ADGRL3: variants seen among roughly 807,000 people sequenced by gnomAD.
The protein encoded by ADGRL3 is adhesion G protein-coupled receptor L3.
In ADGRL3, 62 loss-of-function variants were observed where a neutral mutation model predicts 153.5. The ratio of observed to expected loss-of-function variants is 0.40; its 90% CI spans 0.33 to 0.50. The LOEUF (loss-of-function observed/expected upper bound fraction) is 0.50. Among genes scored for constraint, ADGRL3 ranks in the 20% least tolerant of loss-of-function variants. The pLI, the probability that ADGRL3 is intolerant of heterozygous loss-of-function variation, is 0.47. For missense variants in ADGRL3, 1,641 were observed against 1,859.4 expected, an observed-to-expected ratio of 0.88 and a Z score of 2.16; for synonymous variants, 710 against 672.5, an observed-to-expected ratio of 1.06 and a Z score of -0.86.
chr4:61,746,949 A>G (rs1209784283), intron 8 of ADGRL3, among the ~76,000 whole-genome samples: 1 of 152,218 alleles, frequency 6.6e-6, no homozygotes, highest in African/African-American at 2.4e-5. Context: ...AACAAAATTG[A>G]TAGACTGCCA....
At chr4:61,535,134 T>C (rs528085220) in intron 4 of ADGRL3, among the ~76,000 whole-genome samples, 1 of 152,130 alleles carries the variant, frequency 6.6e-6, no homozygotes, top group South Asian at 2.1e-4. Context: ...TGTTGAGGGT[T>C]TTTTAAAACC....
At chr4:61,699,220 C>G (rs946623398) in intron 6 of ADGRL3, among the ~76,000 whole-genome samples, 1 of 152,010 alleles carries the variant, frequency 6.6e-6, no homozygotes, top group Non-Finnish European at 1.5e-5. Flanking sequence ...TGAGAGTGCA[C>G]TCTGATATGA....
chr4:62,026,769 G>A (rs988296031), intron 21 of ADGRL3, among the ~76,000 whole-genome samples: 1 of 151,628 alleles, frequency 6.6e-6, no homozygotes, highest in Non-Finnish European at 1.5e-5. Flanking sequence ...ATTGTGTATG[G>A]GATTCACTCT....
At chr4:62,069,072 G>C (rs1294453938) in intron 26 of ADGRL3, among the ~76,000 whole-genome samples, 1 of 151,872 alleles carries the variant, frequency 6.6e-6, no homozygotes, top group Non-Finnish European at 1.5e-5. Flanking sequence ...TCATTTTGTG[G>C]TTGCATTTGA....
intron 1 of ADGRL3, among the ~76,000 whole-genome samples, chr4:61,254,418 G>A (rs1004436018): frequency 3.9e-5 from 6 of 152,164 alleles, no homozygotes; most frequent in Middle Eastern, 3.4e-3. Flanking sequence ...CCTTCTTAGT[G>A]CTATTTGAAA....
At chr4:61,397,188 CT>C (rs956274643) in intron 2 of ADGRL3, among the ~76,000 whole-genome samples, 3 of 151,444 alleles carry the variant, frequency 2.0e-5, no homozygotes, top group African/African-American at 4.9e-5. Context: ...AAACCACAAA[CT>C]TTTTTTCTTG....
chr4:61,381,595 T>C (rs2096669640), intron 1 of ADGRL3, among the ~76,000 whole-genome samples: 1 of 151,888 alleles, frequency 6.6e-6, no homozygotes, highest in Non-Finnish European at 1.5e-5. Context: ...TTAGTCATGC[T>C]TGGATGTCAG....
At chr4:61,238,780 C>T (rs909937497) in intron 1 of ADGRL3, among the ~76,000 whole-genome samples, 3 of 151,888 alleles carry the variant, frequency 2.0e-5, no homozygotes, top group Admixed American at 6.6e-5. Flanking sequence ...ACATAAAGCA[C>T]GTGGTGTCCA....
intron 2 of ADGRL3, among the ~76,000 whole-genome samples, chr4:61,494,097 T>TC (rs2098286476): frequency 1.3e-5 from 2 of 150,118 alleles, no homozygotes; most frequent in African/African-American, 4.9e-5. Context: ...TTTTTTTTTT[T>TC]CACTACAGTA....
At chr4:61,623,109 CA>C (rs1433634384) in intron 5 of ADGRL3, among the ~76,000 whole-genome samples, 1 of 152,086 alleles carries the variant, frequency 6.6e-6, no homozygotes, top group Non-Finnish European at 1.5e-5. Flanking sequence ...ATCTTTCCCA[CA>C]ATGGCCTGGA....
chr4:61,235,630 C>T (rs1752508238), intron 1 of ADGRL3, among the ~76,000 whole-genome samples: 2 of 152,170 alleles, frequency 1.3e-5, no homozygotes, highest in Non-Finnish European at 2.9e-5. Context: ...AATAATGCAT[C>T]ACTCAAAATA....
At chr4:61,557,263 ATTCTTCAC>A (rs992880140) in intron 4 of ADGRL3, among the ~76,000 whole-genome samples, 5 of 152,172 alleles carry the variant, frequency 3.3e-5, no homozygotes, top group African/African-American at 1.2e-4. Context: ...GTTTAAAATG[ATTCTTCAC>A]AGAAATACAC....
chr4:61,327,293 T>C (rs1383908826), intron 1 of ADGRL3, among the ~76,000 whole-genome samples: 1 of 151,264 alleles, frequency 6.6e-6, no homozygotes, highest in Non-Finnish European at 1.5e-5. Context: ...AAAAGTATTC[T>C]ATCTAGTATA....
chr4:61,990,837 G>T (rs569184596), intron 19 of ADGRL3, among the ~76,000 whole-genome samples: 1 of 151,772 alleles, frequency 6.6e-6, no homozygotes, highest in African/African-American at 2.4e-5. Flanking sequence ...ATAAAATTCA[G>T]TCTCAACTAC....
intron 1 of ADGRL3, among the ~76,000 whole-genome samples, chr4:61,207,713 G>A (rs1737964476): frequency 6.6e-6 from 1 of 152,084 alleles, no homozygotes; most frequent in African/African-American, 2.4e-5. Flanking sequence ...AGCACCTATT[G>A]TTTTCTGACT....
intron 18 of ADGRL3, among the ~76,000 whole-genome samples, chr4:61,980,871 G>A (rs1414857650): frequency 6.6e-6 from 1 of 152,030 alleles, no homozygotes; most frequent in Non-Finnish European, 1.5e-5. Context: ...CTCACCTACT[G>A]AAGGACATCT....
chr4:61,330,963 A>G (rs982910273), intron 1 of ADGRL3, among the ~76,000 whole-genome samples: 1 of 152,124 alleles, frequency 6.6e-6, no homozygotes, highest in Non-Finnish European at 1.5e-5. Flanking sequence ...AATTTCATAA[A>G]TCTCCACATG....
intron 8 of ADGRL3, among the ~76,000 whole-genome samples, chr4:61,771,562 A>G (rs1158802214): frequency 2.6e-5 from 4 of 152,206 alleles, no homozygotes; most frequent in Admixed American, 1.3e-4. Context: ...ACAAAGACCC[A>G]GAAGAGATGG....
intron 9 of ADGRL3, among the ~76,000 whole-genome samples, chr4:61,870,552 AT>A (rs1218358794): frequency 7.9e-5 from 12 of 152,322 alleles, no homozygotes; most frequent in African/African-American, 2.9e-4. Context: ...CAAATTGTAT[AT>A]CTGATAAGGG....
Sources: gnomAD v4.1 joint callset for allele counts (sites outside exome capture counted in the v4.1 genomes callset) on GRCh38, gnomAD v4.1.1 for gene constraint, MANE v1.5 for transcripts, NCBI Gene and HGNC (gene_info 2026-07-23, HGNC 2026-07-21) for gene names.